BTLA: variants seen among roughly 807,000 people sequenced by gnomAD.
The protein encoded by BTLA is B- and T-lymphocyte attenuator.
A neutral mutation model predicts 25.0 loss-of-function variants in BTLA; 11 were observed. The ratio of observed to expected loss-of-function variants is 0.44; its 90% CI spans 0.28 to 0.73. BTLA has a LOEUF of 0.73. Among genes scored for constraint, BTLA ranks in the 30% least tolerant of loss-of-function variants. The pLI, the probability that BTLA is intolerant of heterozygous loss-of-function variation, is 0.15. For missense variants in BTLA, 282 were observed against 332.8 expected (o/e 0.85, Z 1.19); for synonymous variants, 104 against 119.8 (o/e 0.87, Z 0.86).
At position 112,471,272 on chromosome 3, in the gene BTLA, C is replaced by T. The variant is rs1300542376; in HGVS notation, c.487G>A (p.Gly163Arg). 6 of 1,614,036 alleles carry T rather than the reference C, an allele frequency of 3.7e-6. No homozygotes were observed. The highest frequency in any genetic ancestry group is 5.1e-6 in the Non-Finnish European group (6 of 1,179,960). Residue 163 changes from glycine (G) to arginine (R), a missense_variant, in exon 3 of 5, where the codon GGA becomes AGA. By Grantham distance (125) the Gly-to-Arg change is moderately radical. Transcript: ENST00000334529. ...WLLYRLLPLG[G>R]LPLLITTCFC... ...CAGGTAGTGATGAGTAGAGGCAATC[C>T]CCCCAAAGGAAGTAAACGATACAGG...
At chr3:112,495,625 C>A (rs1257785622) in intron 1 of BTLA, among the ~76,000 whole-genome samples, 1 of 152,208 alleles carries the variant, frequency 6.6e-6, no homozygotes, top group Non-Finnish European at 1.5e-5. Context: ...ATATGGCAGG[C>A]ATTGTTGTAA....
chr3:112,479,801 A>G (rs761401145), intron 1 of BTLA, 32 bp from the exon 2 acceptor site: 60 of 1,506,512 alleles, frequency 4.0e-5, no homozygotes, highest in Non-Finnish European at 5.0e-5. Context: ...AAAATCAAAT[A>G]TGTTCTTCTG....
At chr3:112,466,982 G>A (rs2082231991) in intron 4 of BTLA, among the ~76,000 whole-genome samples, 1 of 149,092 alleles carries the variant, frequency 6.7e-6, no homozygotes, top group Non-Finnish European at 1.5e-5. Context: ...TTTTTGAGAC[G>A]GAGTCTTGCC....
chr3:112,483,770 C>T (rs149470959), intron 1 of BTLA, among the ~76,000 whole-genome samples: 96 of 152,014 alleles, frequency 6.3e-4, no homozygotes, highest in African/African-American at 2.2e-3. Context: ...GAGTTTAAGA[C>T]CAGCCTGACC....
At chr3:112,473,440 C>G (rs1329079194) in intron 2 of BTLA, among the ~76,000 whole-genome samples, 1 of 152,036 alleles carries the variant, frequency 6.6e-6, no homozygotes, top group Admixed American at 6.5e-5. Flanking sequence ...CATAAGGACA[C>G]AGTATAGTCT....
At position 112,466,333 on chromosome 3, in the gene BTLA, A is replaced by C; in HGVS notation, c.645T>G (p.Asn215Lys). The C allele has an allele frequency of 5.0e-6, 8 of 1,613,336 alleles. No homozygotes were observed. The highest frequency in any genetic ancestry group is 6.8e-6 in the Non-Finnish European group (8 of 1,179,608). ...SEQTEASTRQ[N>K]SQVLLSETGI... ...CAGTTTCTGATAGCAGTACTTGGGA[A>C]TTTTGCCTGGTGCTTGCTTCTGTTT... The change falls in exon 5 of 5, where the codon AAT becomes AAG. Residue 215 changes from asparagine (N) to lysine (K), a missense_variant. Around this residue, in one of 2 missense-constraint regions of BTLA, gnomAD observed 119 missense variants for 102.3 expected, o/e 1.16. Coordinates refer to ENST00000334529, the MANE Select transcript of BTLA (RefSeq NM_181780.4).
chr3:112,487,006 G>A (rs2082351792), intron 1 of BTLA, among the ~76,000 whole-genome samples: 1 of 152,160 alleles, frequency 6.6e-6, no homozygotes, highest in Non-Finnish European at 1.5e-5. Context: ...GGAGGAAACT[G>A]GAGTGATCCT....
chr3:112,479,644 A>G lies in BTLA; in HGVS notation c.214T>C (p.Cys72Arg). Reference protein sequence around the residue: ...YCANRPHVTWCKLNGTTCVKL... With the variant: ...YCANRPHVTWRKLNGTTCVKL... ...ACACATGTTGTTCCATTGAGCTTGC[A>G]CCAAGTCACATGAGGCCTGTTAGCA... is the stretch of plus-strand genomic sequence containing the variant. Residue 72 changes from cysteine (C) to arginine (R), a missense_variant, in exon 2 of 5, where the codon TGC becomes CGC. Physicochemically the swap from Cys to Arg is radical, Grantham distance 180 (BLOSUM62 -3). Around this residue, in one of 2 missense-constraint regions of BTLA, gnomAD observed 163 missense variants for 230.4 expected, o/e 0.71. Transcript: ENST00000334529. 6.2e-7 allele frequency: 1 copy of G among 1,614,194 alleles called. No homozygotes were observed. Among genetic ancestry groups the G allele is most frequent in the Non-Finnish European group, 8.5e-7 (1 of 1,180,018 alleles).
intron 1 of BTLA, among the ~76,000 whole-genome samples, chr3:112,494,810 A>T (rs563919232): frequency 6.6e-6 from 1 of 152,236 alleles, no homozygotes; most frequent in African/African-American, 2.4e-5. Flanking sequence ...TAAGCAAACC[A>T]TCATGGCACA....
chr3:112,494,238 A>T (rs147759228), intron 1 of BTLA, among the ~76,000 whole-genome samples: 1,953 of 152,344 alleles, frequency 0.013, 24 homozygotes, highest in South Asian at 0.033. Context: ...AATGGTGATT[A>T]TTAAAAAGTC....
At chr3:112,498,398 A>T (rs1230902559) in intron 1 of BTLA, among the ~76,000 whole-genome samples, 1 of 151,900 alleles carries the variant, frequency 6.6e-6, no homozygotes, top group Non-Finnish European at 1.5e-5. Flanking sequence ...ACGCCATTGC[A>T]CTCCAGCCTG....
At chr3:112,486,975 A>C (rs570110333) in intron 1 of BTLA, among the ~76,000 whole-genome samples, 1 of 152,350 alleles carries the variant, frequency 6.6e-6, no homozygotes, top group East Asian at 1.9e-4. Context: ...TACCACAGAG[A>C]TGAGGACACA....
intron 3 of BTLA, 140 bp from the exon 4 acceptor site, chr3:112,469,944 A>T: frequency 1.6e-6 from 1 of 632,216 alleles, no homozygotes; most frequent in East Asian, 3.0e-5. Flanking sequence ...TGCCTAGCAC[A>T]CACTTGTTTG....
intron 1 of BTLA, among the ~76,000 whole-genome samples, chr3:112,498,568 CTTTTTTT>C (rs34606026): frequency 3.1e-3 from 260 of 83,876 alleles, no homozygotes; most frequent in East Asian, 0.011. Flanking sequence ...AAGAAATTGC[CTTTTTTT>C]TTTTTTTTTT....
intron 1 of BTLA, among the ~76,000 whole-genome samples, chr3:112,495,518 T>C (rs1045100071): frequency 2.6e-5 from 4 of 152,220 alleles, no homozygotes; most frequent in Middle Eastern, 3.2e-3. Context: ...ATAGGAAAAG[T>C]ATATTCAAGG....
In BTLA at chr3:112,483,384, G is replaced by C. The variant is rs533284937; in HGVS notation, c.89-3615C>G. ...GCTGGTCTTGAACTCCCAACCTGAG[G>C]TGATCAGCTCATCTCGGCCTCCCAA... On this transcript the variant is annotated intron_variant, in intron 1 of 4. Coordinates refer to ENST00000334529, the MANE Select transcript of BTLA (RefSeq NM_181780.4). 4.0e-5 allele frequency among the ~76,000 whole-genome samples: 6 copies of C among 151,898 alleles called. No homozygotes were observed. In the East Asian group the frequency reaches 7.8e-4, roughly 20 times the overall value.
intron 1 of BTLA, among the ~76,000 whole-genome samples, chr3:112,480,387 T>C (rs779275979): frequency 6.6e-6 from 1 of 152,226 alleles, no homozygotes; most frequent in Non-Finnish European, 1.5e-5. Context: ...TTTGGTGGTC[T>C]CTACACACGG....
intron 1 of BTLA, among the ~76,000 whole-genome samples, chr3:112,496,468 C>A (rs962023723): frequency 2.0e-5 from 3 of 152,080 alleles, no homozygotes; most frequent in Non-Finnish European, 4.4e-5. Flanking sequence ...CTCCTAGGAA[C>A]AAGGACACGG....
chr3:112,467,410 G>C (rs1346076090), intron 4 of BTLA, among the ~76,000 whole-genome samples: 1 of 152,200 alleles, frequency 6.6e-6, no homozygotes, highest in Admixed American at 6.5e-5. Flanking sequence ...AGGTTCACCT[G>C]ACAAAGAAGA....
Sources: gnomAD v4.1 joint callset for allele counts (sites outside exome capture counted in the v4.1 genomes callset) on GRCh38, gnomAD v4.1.1 for gene constraint, gnomAD v4.1.1 regional missense constraint, MANE v1.5 for transcripts, NCBI Gene and HGNC (gene_info 2026-07-23, HGNC 2026-07-21) for gene names.